CNBD1: variants seen among roughly 807,000 people sequenced by gnomAD.
The protein encoded by CNBD1 is cyclic nucleotide binding domain containing 1, also known as cyclic nucleotide-binding domain-containing protein 1.
Under a neutral mutation model 54.4 loss-of-function variants are expected in CNBD1, and 71 were observed. The observed-to-expected ratio is 1.30, with a 90% confidence interval of 1.08 to 1.59. The LOEUF is 1.59. Among genes scored for constraint, CNBD1 ranks in the 40% most tolerant of loss-of-function variants. The pLI, the probability that CNBD1 is intolerant of heterozygous loss-of-function variation, is 0.00. For synonymous variants in CNBD1, 182 were observed against 170.7 expected, an observed-to-expected ratio of 1.07 and a Z score of -0.51; for missense variants, 659 against 518.0, an observed-to-expected ratio of 1.27 and a Z score of -2.64.
Position 86,885,874 on chromosome 8 carries a change from A to G in CNBD1, c.89-1668A>G, listed in dbSNP as rs886770820. Among the ~76,000 whole-genome samples the G allele has an allele frequency of 7.9e-5, 12 of 152,200 alleles. No individual in the cohort carries two copies. The East Asian group carries it at 2.3e-3, about 29-fold the overall frequency. ...CTATGAAGCCTTGACCTCTACTGCT[A>G]TAGCTTTTCTCAGGCAATGTTAATG... On this transcript the variant is annotated intron_variant, in intron 1 of 10. Transcript: ENST00000518476.
At chr8:87,098,274 T>A (rs1819893855) in intron 4 of CNBD1, among the ~76,000 whole-genome samples, 1 of 152,232 alleles carries the variant, frequency 6.6e-6, no homozygotes, top group Admixed American at 6.5e-5. Flanking sequence ...GCTTTATTTT[T>A]AACAAATATT....
chr8:87,156,348 G>A (rs548744165), intron 4 of CNBD1, among the ~76,000 whole-genome samples: 2 of 141,166 alleles, frequency 1.4e-5, no homozygotes, highest in East Asian at 2.0e-4. Flanking sequence ...GAGTTCAAAC[G>A]ATTCTCGTGC....
chr8:87,169,386 T>TGCAAAA (rs1813038331), intron 4 of CNBD1, among the ~76,000 whole-genome samples: 1 of 152,144 alleles, frequency 6.6e-6, no homozygotes. Flanking sequence ...TTGTTTCCTT[T>TGCAAAA]GCTGTGCAAA....
At chr8:87,414,278 A>C (rs976256184) in intron 2 of CNBD1, among the ~76,000 whole-genome samples, 11 of 152,120 alleles carry the variant, frequency 7.2e-5, no homozygotes, top group African/African-American at 2.7e-4. Context: ...AAGGACAAAA[A>C]ACCAAACACC....
At chr8:86,905,014 A>G in intron 2 of CNBD1, 67 bp from the exon 3 acceptor site, 1 of 904,550 alleles carries the variant, frequency 1.1e-6, no homozygotes, top group South Asian at 1.5e-5. Flanking sequence ...ATATTGAGTT[A>G]AAAATCTTTC....
chr8:86,892,354 AAATT>A (rs1410688062), intron 2 of CNBD1, among the ~76,000 whole-genome samples: 2 of 152,156 alleles, frequency 1.3e-5, no homozygotes, highest in Admixed American at 6.5e-5. Flanking sequence ...GTCCATTTAT[AAATT>A]AATTGTCAAG....
intron 4 of CNBD1, among the ~76,000 whole-genome samples, chr8:87,157,001 G>A (rs1291024904): frequency 6.6e-6 from 1 of 152,120 alleles, no homozygotes; most frequent in Non-Finnish European, 1.5e-5. Flanking sequence ...CTAAGGCACA[G>A]AGCTAAATGA....
At chr8:87,413,921 G>A (rs1219782281) in intron 2 of CNBD1, among the ~76,000 whole-genome samples, 2 of 151,362 alleles carry the variant, frequency 1.3e-5, no homozygotes, top group Non-Finnish European at 2.9e-5. Flanking sequence ...TACACTGTTG[G>A]TGGGACTGTA....
intron 8 of CNBD1, among the ~76,000 whole-genome samples, chr8:87,333,302 C>T (rs560409504): frequency 1.3e-5 from 2 of 152,220 alleles, no homozygotes; most frequent in Admixed American, 6.5e-5. Flanking sequence ...TCTAAATATA[C>T]TATCATGTTG....
chr8:87,333,758 AT>A (rs1276795628), intron 8 of CNBD1, among the ~76,000 whole-genome samples: 1 of 152,060 alleles, frequency 6.6e-6, no homozygotes, highest in Non-Finnish European at 1.5e-5. Context: ...GTGCTTCTGG[AT>A]TTGGTTTGCC....
At chr8:87,019,860 C>G (rs1036427959) in intron 4 of CNBD1, among the ~76,000 whole-genome samples, 1 of 152,114 alleles carries the variant, frequency 6.6e-6, no homozygotes, top group African/African-American at 2.4e-5. Flanking sequence ...GTCTGGGCAA[C>G]AGAGTGAGAC....
At chr8:87,172,680 A>G (rs1183686250) in intron 4 of CNBD1, among the ~76,000 whole-genome samples, 6 of 152,018 alleles carry the variant, frequency 3.9e-5, no homozygotes, top group Non-Finnish European at 8.8e-5. Context: ...GTCTGATATA[A>G]GTATAACTAC....
intron 6 of CNBD1, among the ~76,000 whole-genome samples, chr8:87,241,268 A>ATTTTTTTTTTTTTTTTTTTTTTTT (rs34829455): frequency 3.2e-5 from 3 of 93,856 alleles, no homozygotes; most frequent in African/African-American, 9.8e-5. Flanking sequence ...TATTTGGAAG[A>ATTTTTTTTTTTTTTTTTTTTTTTT]TTTTTTTTTT....
intron 4 of CNBD1, among the ~76,000 whole-genome samples, chr8:86,969,617 A>G (rs1222766636): frequency 6.6e-6 from 1 of 152,102 alleles, no homozygotes; most frequent in Non-Finnish European, 1.5e-5. Context: ...ATACAAATTT[A>G]TTATGTGCAT....
intron 5 of CNBD1, among the ~76,000 whole-genome samples, chr8:87,232,168 A>T (rs1461064095): frequency 6.6e-6 from 1 of 151,990 alleles, no homozygotes; most frequent in Non-Finnish European, 1.5e-5. Flanking sequence ...TTCTTTACAC[A>T]TTTTCTTCCA....
At chr8:87,092,485 A>ATATATACACATATG (rs1563465599) in intron 4 of CNBD1, among the ~76,000 whole-genome samples, 1 of 137,596 alleles carries the variant, frequency 7.3e-6, no homozygotes, top group African/African-American at 3.0e-5. Context: ...ATATACACAT[A>ATATATACACATATG]TGTGTGTGTG....
intron 8 of CNBD1, among the ~76,000 whole-genome samples, chr8:87,300,335 A>C (rs1423426141): frequency 6.6e-6 from 1 of 152,184 alleles, no homozygotes; most frequent in Non-Finnish European, 1.5e-5. Context: ...TATCTCGATC[A>C]ATAAGTATTT....
intron 1 of CNBD1, among the ~76,000 whole-genome samples, chr8:86,883,926 C>G (rs1026458978): frequency 6.6e-6 from 1 of 151,892 alleles, no homozygotes; most frequent in African/African-American, 2.4e-5. Context: ...CCGAGGTGGG[C>G]GGATCACGAG....
chr8:86,888,828 C>T (rs553200868), intron 2 of CNBD1, among the ~76,000 whole-genome samples: 1 of 152,204 alleles, frequency 6.6e-6, no homozygotes, highest in Admixed American at 6.5e-5. Flanking sequence ...CTTTCTGGCC[C>T]AGACGCATTT....
Sources: gnomAD v4.1 joint callset for allele counts (sites outside exome capture counted in the v4.1 genomes callset) on GRCh38, gnomAD v4.1.1 for gene constraint, MANE v1.5 for transcripts, NCBI Gene and HGNC (gene_info 2026-07-23, HGNC 2026-07-21) for gene names.